Variants in GRIK2 observed in about 807,000 individuals in gnomAD.
GRIK2 encodes the protein glutamate receptor ionotropic, kainate 2.
GRIK2 carries 32 observed loss-of-function variants against 100.3 expected under a neutral mutation model. The observed-to-expected ratio is 0.32, with a 90% confidence interval of 0.24 to 0.43. GRIK2 has a LOEUF of 0.43. Among genes scored for constraint, GRIK2 ranks in the 20% least tolerant of loss-of-function variants. The pLI is 1.00. For synonymous variants in GRIK2, 417 were observed against 389.4 expected (o/e 1.07, Z -0.83); for missense variants, 843 against 1,114.9 (o/e 0.76, Z 3.47).
At chr6:101,716,796 A>G in intron 7 of GRIK2, among the ~76,000 whole-genome samples, 1 of 151,786 alleles carries the variant, frequency 6.6e-6, no homozygotes, top group East Asian at 1.9e-4. Flanking sequence ...AACCACAACA[A>G]AAGGTTTAAA....
rs1414380533 is a variant in GRIK2, at chr6:101,878,296, T to G, written c.1525-11344T>G. On this transcript the variant is annotated intron_variant, in intron 11 of 16. Transcript: ENST00000369134. The stretch of plus-strand genomic sequence containing the variant: ...AATAGAGTAAACAAATAAGTAAAAG[T>G]TTGCATTCTCAATGGAATCTAGGGA... Among the ~76,000 whole-genome samples the G allele has an allele frequency of 1.3e-5, 2 of 150,672 alleles. 1 individual carries two copies. The highest frequency in any genetic ancestry group is 6.4e-3 in the Middle Eastern group (2 of 314).
At chr6:101,588,668 G>GCACACGCA (rs1554224622) in intron 2 of GRIK2, among the ~76,000 whole-genome samples, 2 of 143,126 alleles carry the variant, frequency 1.4e-5, no homozygotes, top group African/African-American at 5.4e-5. Flanking sequence ...ACACGCACAC[G>GCACACGCA]CACACACACA....
At chr6:101,882,088 C>A (rs1302859774) in intron 11 of GRIK2, among the ~76,000 whole-genome samples, 1 of 152,008 alleles carries the variant, frequency 6.6e-6, no homozygotes, top group East Asian at 1.9e-4. Context: ...ATCTTCAGAT[C>A]TCATGAGACT....
At chr6:101,900,195 T>TG (rs1787749792) in intron 12 of GRIK2, among the ~76,000 whole-genome samples, 1 of 152,174 alleles carries the variant, frequency 6.6e-6, no homozygotes, top group Non-Finnish European at 1.5e-5. Flanking sequence ...CCAGGCGCTG[T>TG]GGCTCACGCT....
chr6:101,752,984 AAT>A (rs1776884139), intron 7 of GRIK2, among the ~76,000 whole-genome samples: 1 of 152,152 alleles, frequency 6.6e-6, no homozygotes, highest in African/African-American at 2.4e-5. Flanking sequence ...GGTAAAACTG[AAT>A]ATTTTAAATC....
chr6:101,698,165 G>C (rs1772632015), intron 7 of GRIK2, among the ~76,000 whole-genome samples: 1 of 61,986 alleles, frequency 1.6e-5, no homozygotes, highest in Admixed American at 1.6e-4. Context: ...TCAAATTGTT[G>C]ATGCTTTTTT....
At chr6:101,741,359 T>G (rs1317136737) in intron 7 of GRIK2, among the ~76,000 whole-genome samples, 1 of 152,198 alleles carries the variant, frequency 6.6e-6, no homozygotes, top group Admixed American at 6.5e-5. Context: ...ATTCATCTGT[T>G]AGGAAGAAAC....
chr6:101,890,947 C>G (rs1787015354), intron 12 of GRIK2, among the ~76,000 whole-genome samples: 1 of 149,252 alleles, frequency 6.7e-6, no homozygotes, highest in African/African-American at 2.4e-5. Context: ...CATAATTTTT[C>G]ATGGAGATAA....
Position 101,897,773 on chromosome 6 carries a change from T to A in GRIK2, c.1748+7910T>A, listed in dbSNP as rs192629597. 2.0e-5 allele frequency among the ~76,000 whole-genome samples: 3 copies of A among 152,032 alleles called. No individual in the cohort carries two copies. In the East Asian group the frequency reaches 5.8e-4, roughly 29 times the overall value. On this transcript the variant is annotated intron_variant, in intron 12 of 16. Coordinates refer to ENST00000369134, the MANE Select transcript of GRIK2 (RefSeq NM_021956.5). ...TTTTCTTTCATTCTGTATGTCTTAATGATTAGGAGTACTGTGCTCATAAAA... is the reference window on the plus strand; with the variant it reads ...TTTTCTTTCATTCTGTATGTCTTAAAGATTAGGAGTACTGTGCTCATAAAA...
intron 2 of GRIK2, among the ~76,000 whole-genome samples, chr6:101,587,540 G>C (rs879430719): frequency 2.0e-5 from 3 of 152,050 alleles, no homozygotes; most frequent in Non-Finnish European, 4.4e-5. Context: ...GCTAATGATA[G>C]ATAAATTTTC....
intron 9 of GRIK2, among the ~76,000 whole-genome samples, chr6:101,806,259 T>C (rs549624057): frequency 6.6e-6 from 1 of 152,148 alleles, no homozygotes; most frequent in Non-Finnish European, 1.5e-5. Flanking sequence ...GAAAACAGAA[T>C]AAGTGATTTT....
chr6:101,547,659 T>C (rs1776310769), intron 2 of GRIK2, among the ~76,000 whole-genome samples: 1 of 152,216 alleles, frequency 6.6e-6, no homozygotes, highest in Non-Finnish European at 1.5e-5. Flanking sequence ...TCATCATTTT[T>C]CATGGCTGCA....
At chr6:101,888,055 C>G (rs1786779162) in intron 11 of GRIK2, among the ~76,000 whole-genome samples, 1 of 152,162 alleles carries the variant, frequency 6.6e-6, no homozygotes, top group Non-Finnish European at 1.5e-5. Flanking sequence ...TGTCTGCACT[C>G]TACACCTGAA....
chr6:101,983,442 TGTC>T (rs549449187), intron 14 of GRIK2, among the ~76,000 whole-genome samples: 128 of 151,986 alleles, frequency 8.4e-4, no homozygotes, highest in Middle Eastern at 3.4e-3. Flanking sequence ...CATTGGTGAA[TGTC>T]ATCAACTTTT....
At position 101,872,349 on chromosome 6, in the gene GRIK2, A is replaced by C. The variant is rs138115713; in HGVS notation, c.1524+12856A>C. On this transcript the variant is annotated intron_variant, in intron 11 of 16. Coordinates refer to ENST00000369134, the MANE Select transcript of GRIK2 (RefSeq NM_021956.5). ...CTGGGGAGGCATCAGGAGACTTACA[A>C]TCCTAGTGGAGGGGAAGCAAACATG... Among the ~76,000 whole-genome samples the C allele has an allele frequency of 2.3e-3, 352 of 151,974 alleles. 2 individuals carry two copies. Among genetic ancestry groups the C allele is most frequent in the Non-Finnish European group, 3.6e-3 (242 of 67,878 alleles).
At chr6:101,983,691 T>A (rs1793850410) in intron 14 of GRIK2, among the ~76,000 whole-genome samples, 1 of 151,756 alleles carries the variant, frequency 6.6e-6, no homozygotes, top group Admixed American at 6.6e-5. Context: ...AAACAGAAAT[T>A]TTAACTTTTC....
chr6:102,039,301 A>T (rs1770446115), intron 15 of GRIK2, among the ~76,000 whole-genome samples: 1 of 151,572 alleles, frequency 6.6e-6, no homozygotes, highest in African/African-American at 2.4e-5. Context: ...AGCAGGTTTA[A>T]TTAAGTTTGG....
chr6:101,544,686 T>C (rs963142382), intron 2 of GRIK2, among the ~76,000 whole-genome samples: 4 of 152,224 alleles, frequency 2.6e-5, no homozygotes, highest in African/African-American at 9.6e-5. Context: ...TGCTATGCTC[T>C]ATGCTCTTAC....
chr6:101,977,176 A>G (rs1373973543), intron 14 of GRIK2, among the ~76,000 whole-genome samples: 1 of 151,772 alleles, frequency 6.6e-6, no homozygotes, highest in Non-Finnish European at 1.5e-5. Context: ...TTTTTTTACA[A>G]GAGAGGCTAT....
Sources: allele counts gnomAD v4.1 joint callset (sites outside exome capture counted in the v4.1 genomes callset), GRCh38; gene constraint gnomAD v4.1.1; transcripts MANE v1.5; gene names NCBI Gene and HGNC (gene_info 2026-07-23, HGNC 2026-07-21).